Variants in CCDC148 observed in about 807,000 individuals in gnomAD.
CCDC148 encodes coiled-coil domain-containing protein 148.
A neutral mutation model predicts 85.7 loss-of-function variants in CCDC148; 89 were observed. That is an observed-to-expected ratio of 1.04 (90% confidence interval 0.87 to 1.24). The LOEUF is 1.24. CCDC148 is among the 50% of genes most tolerant of loss of function. The pLI is 0.00. For missense variants in CCDC148, 692 were observed against 671.7 expected (o/e 1.03, Z -0.33); for synonymous variants, 230 against 213.9 (o/e 1.08, Z -0.66).
chr2:158,211,418 A>C (rs1332867767), intron 11 of CCDC148, among the ~76,000 whole-genome samples: 1 of 152,228 alleles, frequency 6.6e-6, no homozygotes, highest in African/African-American at 2.4e-5. Context: ...AAGGGATGTA[A>C]TAATGCTCAT....
chr2:158,230,635 A>AT (rs1344484475), intron 10 of CCDC148, among the ~76,000 whole-genome samples: 1 of 124,446 alleles, frequency 8.0e-6, no homozygotes, highest in African/African-American at 2.7e-5. Flanking sequence ...ACTAAAGCAA[A>AT]TAGTAGCATG....
In CCDC148 at chr2:158,217,391, T is replaced by C. The variant is rs867122032; in HGVS notation, c.1370+3204A>G. The stretch of plus-strand genomic sequence containing the variant: ...GTGTGTGTGTATATATATATATATA[T>C]ATACACACACACATACATTTCATTT... On this transcript the variant is annotated intron_variant, in intron 11 of 13. Transcript: ENST00000283233. Among the ~76,000 whole-genome samples, 78 of 98,850 alleles carry C rather than the reference T, an allele frequency of 7.9e-4. 1 individual carries two copies. Among genetic ancestry groups the C allele is most frequent in the African/African-American group, 2.3e-3 (77 of 32,970 alleles). The allele number at this position is 98,850 out of a possible 152,430, so 64.8% of individuals were successfully genotyped here. A position where few individuals can be genotyped will look rare whatever the true frequency, so the allele number is the denominator to read the frequency against.
intron 2 of CCDC148, among the ~76,000 whole-genome samples, chr2:158,352,665 C>CTGA (rs1248672972): frequency 6.6e-6 from 1 of 152,014 alleles, no homozygotes; most frequent in Non-Finnish European, 1.5e-5. Flanking sequence ...GGATATTATC[C>CTGA]AGGAGAACTT....
intron 9 of CCDC148, among the ~76,000 whole-genome samples, chr2:158,266,061 C>T (rs979169954): frequency 2.0e-5 from 3 of 152,120 alleles, no homozygotes; most frequent in African/African-American, 7.2e-5. Context: ...AGATTTATCC[C>T]ATGTCAATCC....
At chr2:158,336,727 T>C (rs1422838284) in intron 7 of CCDC148, among the ~76,000 whole-genome samples, 4 of 152,164 alleles carry the variant, frequency 2.6e-5, no homozygotes, top group African/African-American at 4.8e-5. Context: ...CTTGCCTTCA[T>C]TGTTTTTCTT....
chr2:158,280,893 C>T (rs538664951), intron 9 of CCDC148, among the ~76,000 whole-genome samples: 2 of 152,250 alleles, frequency 1.3e-5, no homozygotes, highest in South Asian at 2.1e-4. Flanking sequence ...CTCTCCTCAG[C>T]AAATGTAAAA....
chr2:158,382,576 A>G (rs1376342308), intron 1 of CCDC148, among the ~76,000 whole-genome samples: 1 of 152,158 alleles, frequency 6.6e-6, no homozygotes, highest in African/African-American at 2.4e-5. Flanking sequence ...ACCAAGTGAC[A>G]GAGCTGACAA....
intron 11 of CCDC148, among the ~76,000 whole-genome samples, chr2:158,183,100 GT>G (rs1476296843): frequency 6.6e-6 from 1 of 152,108 alleles, no homozygotes. Context: ...GTCTACAAAG[GT>G]TGAAAGTGCT....
chr2:158,325,372 C>T lies in CCDC148; in HGVS notation c.765-11478G>A, dbSNP rs538416610. Among the ~76,000 whole-genome samples, 3 of 152,308 alleles carry T rather than the reference C, an allele frequency of 2.0e-5. No homozygotes were observed. The East Asian group carries it at 5.8e-4, about 29-fold the overall frequency. The stretch of plus-strand genomic sequence containing the variant: ...GACTGACCACTTCCTCTTCACTTGC[C>T]TTCCAGGACACTACACTCTCTTTGT... On this transcript the variant is annotated intron_variant, in intron 7 of 13. Coordinates refer to ENST00000283233, the MANE Select transcript of CCDC148 (RefSeq NM_138803.4).
intron 9 of CCDC148, among the ~76,000 whole-genome samples, chr2:158,268,657 C>T (rs938375942): frequency 6.6e-6 from 1 of 151,956 alleles, no homozygotes; most frequent in African/African-American, 2.4e-5. Context: ...ACTATAGTTA[C>T]CATGCTGTAT....
intron 7 of CCDC148, among the ~76,000 whole-genome samples, chr2:158,332,340 T>C (rs1442368965): frequency 2.6e-5 from 4 of 151,076 alleles, no homozygotes; most frequent in African/African-American, 9.8e-5. Context: ...TGGCCCCCAC[T>C]GTCTTCTGGC....
At chr2:158,406,033 C>A (rs1455580092) in intron 1 of CCDC148, among the ~76,000 whole-genome samples, 2 of 152,100 alleles carry the variant, frequency 1.3e-5, no homozygotes, top group African/African-American at 4.8e-5. Flanking sequence ...CCTTATTGAT[C>A]GTCAGGGTGG....
chr2:158,210,628 C>G (rs1686513402), intron 11 of CCDC148, among the ~76,000 whole-genome samples: 1 of 151,756 alleles, frequency 6.6e-6, no homozygotes, highest in African/African-American at 2.4e-5. Context: ...ACAGTGCAAT[C>G]AAATGAGAAT....
Position 158,338,172 on chromosome 2 carries a change from C to T in CCDC148, c.764+554G>A, listed in dbSNP as rs755292891. Among the ~76,000 whole-genome samples, 9 of 152,074 alleles carry T rather than the reference C, an allele frequency of 5.9e-5. No homozygotes were observed. The East Asian group carries it at 7.7e-4, about 13-fold the overall frequency. ...CATAGAAGACACTAGAGAAGATGAC[C>T]GCTGCCAAACTGAATTTTAAATCGC... On this transcript the variant is annotated intron_variant, in intron 7 of 13. Transcript: ENST00000283233.
chr2:158,346,321 A>G (rs943025356), intron 2 of CCDC148, among the ~76,000 whole-genome samples: 23 of 152,200 alleles, frequency 1.5e-4, no homozygotes, highest in Admixed American at 1.5e-3. Flanking sequence ...CACAGTCTCT[A>G]GGAGCATTTG....
At chr2:158,391,902 G>A (rs995952744) in intron 1 of CCDC148, among the ~76,000 whole-genome samples, 6 of 152,088 alleles carry the variant, frequency 3.9e-5, no homozygotes, top group Non-Finnish European at 5.9e-5. Context: ...GAGGGGATGA[G>A]ACCTGGAGGA....
At chr2:158,286,905 G>T (rs1690653485) in intron 9 of CCDC148, among the ~76,000 whole-genome samples, 1 of 152,156 alleles carries the variant, frequency 6.6e-6, no homozygotes, top group African/African-American at 2.4e-5. Context: ...ATGGATTCAT[G>T]ACTGTATTAG....
rs189235135 is a variant in CCDC148 at position 158,241,675 on chromosome 2, A to G, written c.1251+9097T>C. On this transcript the variant is annotated intron_variant, in intron 10 of 13. Coordinates refer to ENST00000283233, the MANE Select transcript of CCDC148 (RefSeq NM_138803.4). ...AATCTTATTGTGAATGTATCTTACT[A>G]GGAGTTGATACCATTATCCTATGTT... is the stretch of plus-strand genomic sequence containing the variant. 3.3e-5 allele frequency among the ~76,000 whole-genome samples: 5 copies of G among 152,280 alleles called. No homozygotes were observed. The East Asian group carries it at 9.6e-4, about 29-fold the overall frequency.
intron 1 of CCDC148, among the ~76,000 whole-genome samples, chr2:158,376,799 C>T (rs958004396): frequency 5.3e-5 from 8 of 152,056 alleles, no homozygotes; most frequent in African/African-American, 1.9e-4. Flanking sequence ...AAATCTTCCT[C>T]CCTATAAAGG....
Sources: allele counts gnomAD v4.1 joint callset (sites outside exome capture counted in the v4.1 genomes callset), GRCh38; gene constraint gnomAD v4.1.1; transcripts MANE v1.5; gene names NCBI Gene and HGNC (gene_info 2026-07-23, HGNC 2026-07-21).